Variants in FNBP1 observed in about 807,000 individuals in gnomAD.
The protein encoded by FNBP1 is formin-binding protein 1.
In FNBP1, 26 loss-of-function variants were observed where a neutral mutation model predicts 90.6. The observed-to-expected ratio is 0.29, with a 90% CI of 0.21 to 0.40. The LOEUF is 0.40. Ranked by LOEUF, FNBP1 falls within the 10% of genes least tolerant of loss-of-function variation. FNBP1 has a pLI of 1.00. For missense variants in FNBP1, 635 were observed against 768.0 expected (o/e 0.83, Z 2.05); for synonymous variants, 260 against 265.2 (o/e 0.98, Z 0.19).
intron 1 of FNBP1, among the ~76,000 whole-genome samples, chr9:130,028,015 C>T (rs1304348298): frequency 2.0e-5 from 3 of 152,160 alleles, no homozygotes; most frequent in South Asian, 2.1e-4. Context: ...CCTCTACCCC[C>T]ACCTGGGCCT....
intron 1 of FNBP1, among the ~76,000 whole-genome samples, chr9:129,996,507 G>A (rs73672534): frequency 0.011 from 1,620 of 152,224 alleles, 43 homozygotes; most frequent in African/African-American, 0.037. Flanking sequence ...GCCCCCAAAT[G>A]TTTCAAGTTT....
At position 130,032,985 on chromosome 9, in the gene FNBP1, T is replaced by A. The variant is rs189354634; in HGVS notation, c.24+9967A>T. On this transcript the variant is annotated intron_variant, in intron 1 of 16. Transcript: ENST00000446176. The stretch of plus-strand genomic sequence containing the variant: ...CCAAATATTAGGTTTATTGTATTGT[T>A]AACATGTACACCAAATTTTAAATCA... Among the ~76,000 whole-genome samples the A allele has an allele frequency of 2.2e-3, 335 of 152,282 alleles. 2 individuals carry two copies. The highest frequency in any genetic ancestry group is 2.6e-3 in the Non-Finnish European group (180 of 68,024).
At chr9:130,030,362 G>C (rs907287488) in intron 1 of FNBP1, among the ~76,000 whole-genome samples, 7 of 151,578 alleles carry the variant, frequency 4.6e-5, no homozygotes, top group Admixed American at 1.3e-4. Flanking sequence ...TTGAAACTGG[G>C]AGCCGGAGGT....
chr9:129,986,259 T>C (rs369107262), intron 2 of FNBP1, among the ~76,000 whole-genome samples: 1 of 152,102 alleles, frequency 6.6e-6, no homozygotes, highest in African/African-American at 2.4e-5. Flanking sequence ...AAAATCACCC[T>C]CCTTCAGATT....
At chr9:129,940,175 T>C (rs1588704687) in intron 6 of FNBP1, among the ~76,000 whole-genome samples, 1 of 152,166 alleles carries the variant, frequency 6.6e-6, no homozygotes, top group East Asian at 1.9e-4. Context: ...TACTTCAGCC[T>C]GGGCTTAGGT....
chr9:129,893,018 TTTCACAAGGTTAATGTCGTC>T (rs1350015697), intron 16 of FNBP1, among the ~76,000 whole-genome samples: 1 of 152,080 alleles, frequency 6.6e-6, no homozygotes, highest in Non-Finnish European at 1.5e-5. Flanking sequence ...CAAAGCAGAC[TTTCACAAGGTTAATGTCGTC>T]TTGCCCTATT....
chr9:130,053,847 C>T, the FNBP1 span: 2 of 1,319,024 alleles, frequency 1.5e-6, no homozygotes, highest in Non-Finnish European at 2.1e-6. Flanking sequence ...GCCGCCGAGC[C>T]CCGCTCCCCG....
chr9:129,979,485 TC>T (rs1363623801), intron 2 of FNBP1, 111 bp from the exon 3 acceptor site: 2 of 729,626 alleles, frequency 2.7e-6, no homozygotes, highest in African/African-American at 3.5e-5. Flanking sequence ...ACAAAAAAAG[TC>T]CACAGCTGAA....
chr9:129,921,371 T>C (rs111691836), intron 10 of FNBP1, among the ~76,000 whole-genome samples: 1,933 of 151,780 alleles, frequency 0.013, 18 homozygotes, highest in Middle Eastern at 0.024. Context: ...CATGCCACCA[T>C]GCCTGGCTAT....
intron 1 of FNBP1, among the ~76,000 whole-genome samples, chr9:130,001,745 C>T (rs762836863): frequency 2.7e-5 from 4 of 149,926 alleles, no homozygotes; most frequent in Admixed American, 2.0e-4. Flanking sequence ...TCTTCCTAGC[C>T]GGGCATGGTG....
chr9:129,919,001 T>TTTC (rs1446467567), intron 10 of FNBP1: 81 of 200,292 alleles, frequency 4.0e-4, no homozygotes, highest in African/African-American at 1.7e-3. Flanking sequence ...GGCTTTTCTT[T>TTTC]TTTTTTTTTT....
chr9:129,963,887 T>G (rs1226839920), intron 4 of FNBP1, among the ~76,000 whole-genome samples: 1 of 152,136 alleles, frequency 6.6e-6, no homozygotes, highest in Non-Finnish European at 1.5e-5. Flanking sequence ...AGTGCTGGGA[T>G]TACAGGCATG....
intron 2 of FNBP1, among the ~76,000 whole-genome samples, chr9:129,990,913 AGAT>A (rs2053030817): frequency 6.7e-6 from 1 of 149,088 alleles, no homozygotes; most frequent in Non-Finnish European, 1.5e-5. Flanking sequence ...AGGCAGACAG[AGAT>A]GATGATGACA....
rs571322621 is a variant in FNBP1, at chr9:129,948,274, C to CAACA, written c.513+9082_513+9085dup. Among the ~76,000 whole-genome samples, 21 of 150,368 alleles carry CAACA rather than the reference C, an allele frequency of 1.4e-4. No homozygotes were observed. The East Asian group carries it at 3.4e-3, about 24-fold the overall frequency. ...AGCAACAAAGGGAGAGACCCTGTCT[C>CAACA]AACAAACAAACAAACAAAATACCTA... On this transcript the variant is annotated intron_variant, in intron 6 of 16. Coordinates refer to ENST00000446176, the MANE Select transcript of FNBP1 (RefSeq NM_015033.3).
At chr9:130,014,247 C>CTTTTTTTTTTT (rs1175352724) in intron 1 of FNBP1, among the ~76,000 whole-genome samples, 1 of 138,948 alleles carries the variant, frequency 7.2e-6, no homozygotes, top group African/African-American at 2.6e-5. Flanking sequence ...TTCTTTCTTT[C>CTTTTTTTTTTT]TTTTTTTTTT....
intron 11 of FNBP1, chr9:129,914,865 G>A (rs1197113712): frequency 2.3e-6 from 1 of 440,172 alleles, no homozygotes; most frequent in East Asian, 6.9e-5. Context: ...TAGTAGAACT[G>A]TCACAGTTGA....
the FNBP1 span, among the ~76,000 whole-genome samples, chr9:130,050,301 G>A: frequency 6.6e-6 from 1 of 152,114 alleles, no homozygotes; most frequent in Non-Finnish European, 1.5e-5. Context: ...CTGTAAAGAT[G>A]TACATAAAAT....
the FNBP1 span, chr9:130,053,660 G>A: frequency 2.0e-6 from 1 of 511,344 alleles, no homozygotes; most frequent in Non-Finnish European, 3.5e-6. Context: ...GTGCGGCCCG[G>A]GCTGGTCTGG....
intron 1 of FNBP1, chr9:130,013,691 C>T (rs943785514): frequency 1.3e-5 from 6 of 455,938 alleles, no homozygotes; most frequent in South Asian, 9.3e-5. Context: ...TTGGCAACAA[C>T]CTGCTTTGTT....
Sources: allele counts gnomAD v4.1 joint callset (sites outside exome capture counted in the v4.1 genomes callset), GRCh38; gene constraint gnomAD v4.1.1; transcripts MANE v1.5; gene names NCBI Gene and HGNC (gene_info 2026-07-23, HGNC 2026-07-21).